CPAP: variants seen among roughly 807,000 people sequenced by gnomAD.
CPAP encodes centrosome assembly and centriole elongation protein.
the CPAP span, chr13:24,885,247 AATTC>A: frequency 2.2e-6 from 3 of 1,382,128 alleles, no homozygotes; most frequent in Non-Finnish European, 3.1e-6. Flanking sequence ...TTTTTTATAG[AATTC>A]ATTATTTCAA....
chr13:24,889,349 C>T, the CPAP span: 1 of 1,612,342 alleles, frequency 6.2e-7, no homozygotes, highest in South Asian at 1.1e-5. Flanking sequence ...TTGTATTTTT[C>T]TACCTGGGTT....
chr13:24,923,441 G>C, the CPAP span, among the ~76,000 whole-genome samples: 1 of 152,126 alleles, frequency 6.6e-6, no homozygotes, highest in Non-Finnish European at 1.5e-5. Flanking sequence ...CTCCTCAAAT[G>C]GCTAATCGGT....
the CPAP span, chr13:24,909,770 G>C: frequency 1.2e-6 from 2 of 1,602,068 alleles, no homozygotes; most frequent in South Asian, 2.2e-5. Context: ...GCACAGAAGA[G>C]AGAAACATAA....
chr13:24,892,873 A>T, the CPAP span: 1 of 1,008,806 alleles, frequency 9.9e-7, no homozygotes, highest in East Asian at 3.1e-5. Flanking sequence ...AAAGTCTCTC[A>T]AAAAAAAAAA....
the CPAP span, chr13:24,933,079 C>G: frequency 1.4e-5 from 22 of 1,590,286 alleles, no homozygotes; most frequent in Non-Finnish European, 1.8e-5. Context: ...GAAGAAAAAG[C>G]TACAAACTGA....
the CPAP span, chr13:24,885,697 A>T: frequency 6.5e-7 from 1 of 1,538,352 alleles, no homozygotes; most frequent in Non-Finnish European, 9.0e-7. Flanking sequence ...GTCAAGAGTT[A>T]GATTTAATAT....
chr13:24,892,522 A>T, the CPAP span: 1 of 777,342 alleles, frequency 1.3e-6, no homozygotes, highest in East Asian at 2.5e-5. Flanking sequence ...ATTCACAGTC[A>T]CTCCCCACTG....
chr13:24,901,204 G>A, the CPAP span, among the ~76,000 whole-genome samples: 1 of 152,158 alleles, frequency 6.6e-6, no homozygotes, highest in Non-Finnish European at 1.5e-5. Flanking sequence ...TATAGTCAAA[G>A]CAAACACTGG....
At chr13:24,905,566 T>G in the CPAP span, 1 of 1,614,218 alleles carries the variant, frequency 6.2e-7, no homozygotes, top group South Asian at 1.1e-5. Context: ...TAGGGTAGCA[T>G]GTCTGCGGCG....
At chr13:24,900,403 G>C in the CPAP span, among the ~76,000 whole-genome samples, 1 of 152,230 alleles carries the variant, frequency 6.6e-6, no homozygotes, top group Non-Finnish European at 1.5e-5. Flanking sequence ...GGGAGGCCGA[G>C]GCGGGCAGAT....
At chr13:24,914,708 C>T in the CPAP span, among the ~76,000 whole-genome samples, 33 of 152,084 alleles carry the variant, frequency 2.2e-4, no homozygotes, top group African/African-American at 6.8e-4. Flanking sequence ...CCCAGGAGGT[C>T]GAGGCTGCTG....
the CPAP span, chr13:24,912,692 G>A: frequency 6.2e-7 from 1 of 1,614,180 alleles, no homozygotes; most frequent in Non-Finnish European, 8.5e-7. Context: ...GGAGCACTGT[G>A]ACATGCCGCT....
At chr13:24,889,156 C>T in the CPAP span, 13 of 644,328 alleles carry the variant, frequency 2.0e-5, no homozygotes, top group East Asian at 2.8e-5. Context: ...AATTAACTGG[C>T]GGAATAAGAT....
At chr13:24,932,790 T>G in the CPAP span, among the ~76,000 whole-genome samples, 1 of 152,218 alleles carries the variant, frequency 6.6e-6, no homozygotes, top group African/African-American at 2.4e-5. Flanking sequence ...TTTTGGGTGT[T>G]GTAATATCAG....
chr13:24,882,397 ATTAT>A, the CPAP span: 1 of 152,168 alleles, frequency 6.6e-6, no homozygotes, highest in East Asian at 1.9e-4. Context: ...CCAATCTGTA[ATTAT>A]TTATTATATA....
At chr13:24,902,245 A>C in the CPAP span, among the ~76,000 whole-genome samples, 4 of 148,130 alleles carry the variant, frequency 2.7e-5, no homozygotes, top group African/African-American at 1.0e-4. Context: ...CTAAAAAAAA[A>C]CAAAAAACAA....
chr13:24,920,134 T>TTTAAA, the CPAP span, among the ~76,000 whole-genome samples: 44 of 152,216 alleles, frequency 2.9e-4, no homozygotes, highest in Non-Finnish European at 5.1e-4. Context: ...CTGAATTTAA[T>TTTAAA]GGGATTTTAC....
the CPAP span, chr13:24,883,826 G>A: frequency 1.4e-3 from 1,328 of 916,950 alleles, 1 homozygote; most frequent in Middle Eastern, 4.3e-3. Flanking sequence ...TGACATGCCT[G>A]TGGGACATTC....
At chr13:24,883,345 A>AAACT in the CPAP span, 4 of 1,613,192 alleles carry the variant, frequency 2.5e-6, no homozygotes, top group Non-Finnish European at 3.4e-6. Context: ...GGCCATTATT[A>AAACT]AACTCTATGA....
Sources: gnomAD v4.1 joint callset for allele counts (sites outside exome capture counted in the v4.1 genomes callset) on GRCh38, gnomAD v4.1.1 for gene constraint, MANE v1.5 for transcripts, NCBI Gene and HGNC (gene_info 2026-07-23, HGNC 2026-07-21) for gene names.